The following ZFAND3 variants were observed in gnomAD, a reference collection of about 807,000 sequenced individuals.
The protein encoded by ZFAND3 is zinc finger AN1-type containing 3.
Under a neutral mutation model 29.6 loss-of-function variants are expected in ZFAND3, and 10 were observed. That is an observed-to-expected ratio of 0.34 (90% CI 0.21 to 0.57). The LOEUF (loss-of-function observed/expected upper bound fraction) is 0.57, where lower values mean the gene tolerates loss of function less well. ZFAND3 is among the 20% of genes least tolerant of loss of function. ZFAND3 has a pLI of 0.86. For synonymous variants in ZFAND3, 128 were observed against 112.6 expected, an observed-to-expected ratio of 1.14 and a Z score of -0.87; for missense variants, 230 against 304.5, an observed-to-expected ratio of 0.76 and a Z score of 1.82.
intron 5 of ZFAND3, among the ~76,000 whole-genome samples, chr6:38,148,262 G>A (rs902398122): frequency 1.3e-5 from 2 of 152,180 alleles, no homozygotes; most frequent in African/African-American, 4.8e-5. Flanking sequence ...AAGATCAGCC[G>A]GCTGTGAATA....
chr6:37,978,155 G>A lies in ZFAND3; in HGVS notation c.112+48156G>A, dbSNP rs567003617. Among the ~76,000 whole-genome samples, 50 of 152,110 alleles carry A rather than the reference G, an allele frequency of 3.3e-4. 1 individual carries two copies. In the South Asian group the frequency reaches 9.3e-3, roughly 28 times the overall value. ...TCACCATGTTGGTCAGGCCAGTCTC[G>A]AACTGAGACTGTGCCTGGCTGTAAA... On this transcript the variant is annotated intron_variant, in intron 2 of 5. Coordinates refer to ENST00000287218, the MANE Select transcript of ZFAND3 (RefSeq NM_021943.3).
chr6:37,880,306 A>G (rs777519956), intron 1 of ZFAND3, among the ~76,000 whole-genome samples: 7 of 152,312 alleles, frequency 4.6e-5, no homozygotes, highest in South Asian at 2.1e-4. Flanking sequence ...GTCAGCAGGG[A>G]TGTTGCAGCA....
chr6:37,976,687 G>A (rs1762484617), intron 2 of ZFAND3, among the ~76,000 whole-genome samples: 1 of 151,940 alleles, frequency 6.6e-6, no homozygotes, highest in South Asian at 2.1e-4. Flanking sequence ...GAGGCCTCAG[G>A]AAACTTACAA....
chr6:38,047,343 CT>C (rs1254509920), intron 2 of ZFAND3, among the ~76,000 whole-genome samples: 9 of 151,512 alleles, frequency 5.9e-5, no homozygotes, highest in African/African-American at 1.9e-4. Flanking sequence ...AGAAATATTA[CT>C]TCTTTCAAAC....
chr6:38,041,519 T>C (rs1444969188), intron 2 of ZFAND3, among the ~76,000 whole-genome samples: 1 of 151,674 alleles, frequency 6.6e-6, no homozygotes, highest in African/African-American at 2.4e-5. Flanking sequence ...CCATTACTAA[T>C]TTCTATTGTT....
chr6:38,133,476 G>A (rs1449499971), intron 5 of ZFAND3, among the ~76,000 whole-genome samples: 1 of 152,154 alleles, frequency 6.6e-6, no homozygotes, highest in Non-Finnish European at 1.5e-5. Context: ...AAGGCCGGGC[G>A]CGGTGGCTCA....
chr6:37,973,868 A>G (rs530293689), intron 2 of ZFAND3, among the ~76,000 whole-genome samples: 48 of 152,372 alleles, frequency 3.2e-4, no homozygotes, highest in Admixed American at 3.9e-4. Flanking sequence ...AGCATTTACT[A>G]TCACCTTTGA....
chr6:37,977,394 C>T lies in ZFAND3; in HGVS notation c.112+47395C>T, dbSNP rs1172540266. ...TCAGCTGACTGCAACCTCTGCCTCCCGGGTTCAAGTGATTCTCGTGCGTTA... is the reference window on the plus strand; with the variant it reads ...TCAGCTGACTGCAACCTCTGCCTCCTGGGTTCAAGTGATTCTCGTGCGTTA... On this transcript the variant is annotated intron_variant, in intron 2 of 5. Transcript: ENST00000287218. Among the ~76,000 whole-genome samples, 7 of 152,238 alleles carry T rather than the reference C, an allele frequency of 4.6e-5. No homozygotes were observed. The East Asian group carries it at 7.7e-4, about 17-fold the overall frequency.
intron 5 of ZFAND3, among the ~76,000 whole-genome samples, chr6:38,132,926 G>A (rs1765770612): frequency 6.6e-6 from 1 of 152,184 alleles, no homozygotes; most frequent in Non-Finnish European, 1.5e-5. Context: ...ACAGATTTGA[G>A]CACTGTGATG....
intron 1 of ZFAND3, among the ~76,000 whole-genome samples, chr6:37,895,215 CTATT>C (rs1435141251): frequency 4.0e-5 from 6 of 151,886 alleles, no homozygotes; most frequent in Non-Finnish European, 7.4e-5. Context: ...TTTATTGTGA[CTATT>C]TACTGCTAGG....
chr6:37,922,013 G>A lies in ZFAND3; in HGVS notation c.72-7946G>A, dbSNP rs575488425. On this transcript the variant is annotated intron_variant, in intron 1 of 5. Transcript: ENST00000287218. ...CAGGAGGCGGAGGTCACAGTGAGCC[G>A]AGATCACACCACTGCACTCCAGCCT... Among the ~76,000 whole-genome samples the A allele has an allele frequency of 8.4e-4, 128 of 151,764 alleles. 1 individual carries two copies. The highest frequency in any genetic ancestry group is 3.0e-3 in the African/African-American group (125 of 41,338).
chr6:38,144,753 T>C (rs572957343), intron 5 of ZFAND3, among the ~76,000 whole-genome samples: 1 of 152,354 alleles, frequency 6.6e-6, no homozygotes, highest in East Asian at 1.9e-4. Flanking sequence ...GCTGTGGCTT[T>C]AATAAAACAG....
chr6:37,854,485 C>T (rs1764339898), intron 1 of ZFAND3, among the ~76,000 whole-genome samples: 1 of 151,992 alleles, frequency 6.6e-6, no homozygotes, highest in Non-Finnish European at 1.5e-5. Flanking sequence ...ATCCAGGTCC[C>T]CAGGTTATTA....
At chr6:38,110,693 C>G (rs1249131811) in intron 4 of ZFAND3, among the ~76,000 whole-genome samples, 1 of 152,154 alleles carries the variant, frequency 6.6e-6, no homozygotes, top group Non-Finnish European at 1.5e-5. Context: ...TGTCATAGAG[C>G]CTGAGATTAA....
intron 2 of ZFAND3, among the ~76,000 whole-genome samples, chr6:38,044,907 T>C (rs1282312904): frequency 6.6e-6 from 1 of 152,126 alleles, no homozygotes; most frequent in Non-Finnish European, 1.5e-5. Flanking sequence ...GCTTTTGTTG[T>C]ATTGTAGCTA....
intron 1 of ZFAND3, among the ~76,000 whole-genome samples, chr6:37,828,255 T>TA (rs989146445): frequency 6.6e-6 from 1 of 151,912 alleles, no homozygotes; most frequent in Non-Finnish European, 1.5e-5. Context: ...TACAAGAAAG[T>TA]AAAAAAAAAT....
intron 2 of ZFAND3, among the ~76,000 whole-genome samples, chr6:38,039,058 G>A (rs1361235986): frequency 6.6e-6 from 1 of 152,196 alleles, no homozygotes; most frequent in Non-Finnish European, 1.5e-5. Flanking sequence ...ATACTATACT[G>A]TTAGTGTTCC....
intron 2 of ZFAND3, among the ~76,000 whole-genome samples, chr6:37,987,196 G>A (rs1406349289): frequency 1.3e-5 from 2 of 152,138 alleles, no homozygotes; most frequent in Non-Finnish European, 2.9e-5. Flanking sequence ...AGTGGCCAGT[G>A]GAACTCTCAG....
chr6:38,060,513 C>G (rs1764214044), intron 2 of ZFAND3, among the ~76,000 whole-genome samples: 1 of 150,910 alleles, frequency 6.6e-6, no homozygotes. Flanking sequence ...TTCCCCTTGC[C>G]CTGCCCTTTC....
Sources: allele counts gnomAD v4.1 joint callset (sites outside exome capture counted in the v4.1 genomes callset), GRCh38; gene constraint gnomAD v4.1.1; transcripts MANE v1.5; gene names NCBI Gene and HGNC (gene_info 2026-07-23, HGNC 2026-07-21).